CDK19: variants seen among roughly 807,000 people sequenced by gnomAD.
CDK19 encodes the protein cyclin dependent kinase 19.
In CDK19, 20 loss-of-function variants were observed where a neutral mutation model predicts 68.3. The ratio of observed to expected loss-of-function variants is 0.29; its 90% CI spans 0.21 to 0.43. The LOEUF is 0.43. Among genes scored for constraint, CDK19 ranks in the 20% least tolerant of loss-of-function variants. The probability of loss-of-function intolerance (pLI) is 1.00; values close to 1 mark genes in which losing one functional copy is unlikely to be tolerated. For missense variants in CDK19, 339 were observed against 623.5 expected (o/e 0.54, Z 4.86); for synonymous variants, 221 against 222.8 (o/e 0.99, Z 0.07).
intron 1 of CDK19, among the ~76,000 whole-genome samples, chr6:110,770,380 TGGCAGCAA>T (rs1779928667): frequency 6.6e-6 from 1 of 152,178 alleles, no homozygotes; most frequent in African/African-American, 2.4e-5. Context: ...TCTTACATGG[TGGCAGCAA>T]GAGAAAATGA....
chr6:110,679,246 T>C (rs147513804), intron 2 of CDK19, among the ~76,000 whole-genome samples: 81 of 151,512 alleles, frequency 5.3e-4, no homozygotes, highest in African/African-American at 2.0e-3. Flanking sequence ...AGCCCACGAG[T>C]TCAAGGCTGC....
chr6:110,799,868 G>A (rs550364260), intron 1 of CDK19, among the ~76,000 whole-genome samples: 10 of 152,112 alleles, frequency 6.6e-5, no homozygotes, highest in South Asian at 2.1e-4. Flanking sequence ...CTCCCAAAGC[G>A]CTGGAATTAT....
intron 2 of CDK19, among the ~76,000 whole-genome samples, chr6:110,710,160 A>T (rs533400346): frequency 5.2e-4 from 79 of 152,356 alleles, no homozygotes; most frequent in African/African-American, 1.9e-3. Flanking sequence ...TAAAAGCAAT[A>T]GAAAAGTAGT....
At chr6:110,619,547 T>G (rs966714236) in intron 12 of CDK19, among the ~76,000 whole-genome samples, 1 of 151,650 alleles carries the variant, frequency 6.6e-6, no homozygotes, top group Non-Finnish European at 1.5e-5. Context: ...AGGCCTGACC[T>G]TGGGCTTTCC....
In CDK19 at chr6:110,612,140, T is replaced by G. The variant is rs1778060150; in HGVS notation, c.*2395A>C. The stretch of plus-strand genomic sequence containing the variant: ...AGTATTAAGGGGCATAGTATTTTGG[T>G]TTACATATCTATCTGGGTTTGTCTT... On this transcript the variant is annotated 3_prime_UTR_variant, in exon 13 of 13. Coordinates refer to ENST00000368911, the MANE Select transcript of CDK19 (RefSeq NM_015076.5). 1 of 152,234 alleles carries G rather than the reference T, an allele frequency of 6.6e-6. No individual in the cohort carries two copies. The highest frequency in any genetic ancestry group is 1.5e-5 in the Non-Finnish European group (1 of 68,034). The allele number at this position is 152,234 out of a possible 1,614,324, so 9.4% of individuals were successfully genotyped here. A position where few individuals can be genotyped will look rare whatever the true frequency, so the allele number is the denominator to read the frequency against.
intron 5 of CDK19, among the ~76,000 whole-genome samples, chr6:110,635,601 A>G (rs999628893): frequency 4.6e-5 from 7 of 152,000 alleles, no homozygotes; most frequent in East Asian, 1.9e-4. Context: ...GTGCAGTGGC[A>G]TGATCTCGGC....
upstream of CDK19, chr6:110,815,471 GC>G (rs1434927648): frequency 5.0e-6 from 1 of 198,472 alleles, no homozygotes; most frequent in Non-Finnish European, 1.0e-5. Context: ...GAACTCACTG[GC>G]CCGCCCCATG....
chr6:110,753,664 G>T (rs1013178627), intron 1 of CDK19, among the ~76,000 whole-genome samples: 1 of 151,914 alleles, frequency 6.6e-6, no homozygotes, highest in Non-Finnish European at 1.5e-5. Context: ...GGGATTAGAG[G>T]GGTGAACCAC....
chr6:110,781,849 A>G (rs1484723487), intron 1 of CDK19, among the ~76,000 whole-genome samples: 1 of 152,034 alleles, frequency 6.6e-6, no homozygotes, highest in African/African-American at 2.4e-5. Flanking sequence ...TGAAAAAAAA[A>G]AAAAAAACCT....
intron 4 of CDK19, among the ~76,000 whole-genome samples, chr6:110,652,977 A>G (rs1230834484): frequency 6.6e-6 from 1 of 152,134 alleles, no homozygotes; most frequent in Admixed American, 6.5e-5. Context: ...AACCACAGAG[A>G]AGGGCTCCTG....
At chr6:110,775,945 G>A (rs3014319) in intron 1 of CDK19, among the ~76,000 whole-genome samples, 5,020 of 152,228 alleles carry the variant, frequency 0.033, 261 homozygotes, top group African/African-American at 0.12. Context: ...TGTGACATCA[G>A]GCACTTAATC....
chr6:110,784,538 T>C (rs771676187), intron 1 of CDK19, among the ~76,000 whole-genome samples: 3 of 152,116 alleles, frequency 2.0e-5, no homozygotes, highest in Non-Finnish European at 2.9e-5. Flanking sequence ...CAGGTGGAAA[T>C]GTGAAATGGT....
intron 1 of CDK19, among the ~76,000 whole-genome samples, chr6:110,797,756 G>A (rs1289456729): frequency 2.0e-5 from 3 of 152,116 alleles, no homozygotes; most frequent in Non-Finnish European, 4.4e-5. Flanking sequence ...AGGCCAAGAC[G>A]GGTGGATCAC....
At chr6:110,642,498 G>T (rs537198201) in intron 4 of CDK19, among the ~76,000 whole-genome samples, 2 of 152,074 alleles carry the variant, frequency 1.3e-5, no homozygotes, top group African/African-American at 4.8e-5. Flanking sequence ...ACAGTCTAGT[G>T]AGAAGAGAAA....
intron 1 of CDK19, among the ~76,000 whole-genome samples, chr6:110,798,418 A>G (rs933186965): frequency 6.6e-6 from 1 of 152,098 alleles, no homozygotes; most frequent in Non-Finnish European, 1.5e-5. Flanking sequence ...AGAGGTCAGG[A>G]GTTTGAGACC....
chr6:110,639,561 GA>G lies in CDK19; in HGVS notation c.457-856del, dbSNP rs1779998523. 2.0e-5 allele frequency among the ~76,000 whole-genome samples: 3 copies of G among 152,166 alleles called. No individual in the cohort carries two copies. In the South Asian group the frequency reaches 6.2e-4, roughly 32 times the overall value. On this transcript the variant is annotated intron_variant, in intron 4 of 12. Transcript: ENST00000368911. ...CCTCCAGACGCTTACTACATAAGTA[GA>G]AAGAAAACTAAGAAGGATTGTATAA...
chr6:110,623,924 CGT>C (rs1562130370), intron 8 of CDK19, among the ~76,000 whole-genome samples: 8 of 141,544 alleles, frequency 5.7e-5, no homozygotes, highest in Non-Finnish European at 9.1e-5. Flanking sequence ...TATATATATA[CGT>C]GTATATATAT....
chr6:110,638,794 T>C, intron 4 of CDK19, 88 bp from the exon 5 acceptor site: 4 of 755,504 alleles, frequency 5.3e-6, no homozygotes, highest in Middle Eastern at 2.5e-4. Context: ...ATATAAAAAA[T>C]CATTTCTGTA....
chr6:110,627,730 G>T (rs1779180488), intron 6 of CDK19, among the ~76,000 whole-genome samples: 1 of 152,086 alleles, frequency 6.6e-6, no homozygotes, highest in Non-Finnish European at 1.5e-5. Flanking sequence ...TCTAACCACT[G>T]TTAATAATTT....
Sources: allele counts gnomAD v4.1 joint callset (sites outside exome capture counted in the v4.1 genomes callset), GRCh38; gene constraint gnomAD v4.1.1; transcripts MANE v1.5; gene names NCBI Gene and HGNC (gene_info 2026-07-23, HGNC 2026-07-21).